Variants in INPP5A observed in about 807,000 individuals in gnomAD.
The protein encoded by INPP5A is inositol polyphosphate-5-phosphatase A.
Under a neutral mutation model 65.2 loss-of-function variants are expected in INPP5A, and 14 were observed. The observed-to-expected ratio is 0.21, with a 90% confidence interval of 0.14 to 0.34. INPP5A has a LOEUF of 0.34. Among genes scored for constraint, INPP5A ranks in the 10% least tolerant of loss-of-function variants. The pLI is 1.00. For synonymous variants in INPP5A, 207 were observed against 208.3 expected (o/e 0.99, Z 0.05); for missense variants, 431 against 545.6 (o/e 0.79, Z 2.09).
At chr10:132,580,487 CCT>C (rs1047378460) in intron 1 of INPP5A, among the ~76,000 whole-genome samples, 8 of 152,208 alleles carry the variant, frequency 5.3e-5, no homozygotes, top group African/African-American at 1.9e-4. Context: ...GTCAGTGCAA[CCT>C]CTATTCTCCA....
At chr10:132,758,446 G>T (rs1221914789) in intron 11 of INPP5A, among the ~76,000 whole-genome samples, 1 of 150,652 alleles carries the variant, frequency 6.6e-6, no homozygotes, top group Non-Finnish European at 1.5e-5. Flanking sequence ...TGACCCCACA[G>T]GCCAGTGCGA....
intron 11 of INPP5A, among the ~76,000 whole-genome samples, chr10:132,756,732 A>C (rs975310381): frequency 1.3e-5 from 2 of 152,370 alleles, no homozygotes; most frequent in East Asian, 3.9e-4. Flanking sequence ...ACTTAATAAA[A>C]AAAGGTACCT....
At chr10:132,780,003 T>C (rs1484889015) in intron 13 of INPP5A, among the ~76,000 whole-genome samples, 1 of 152,286 alleles carries the variant, frequency 6.6e-6, no homozygotes, top group East Asian at 1.9e-4. Context: ...GTTTGATGAA[T>C]GTTTCTCCAC....
intron 1 of INPP5A, among the ~76,000 whole-genome samples, chr10:132,566,354 G>A (rs1285123329): frequency 6.6e-6 from 1 of 152,164 alleles, no homozygotes; most frequent in Non-Finnish European, 1.5e-5. Context: ...TCCGGCCCCA[G>A]TTCCCTTTCA....
intron 11 of INPP5A, among the ~76,000 whole-genome samples, chr10:132,764,454 G>A (rs992377970): frequency 1.3e-5 from 2 of 148,590 alleles, no homozygotes; most frequent in African/African-American, 5.1e-5. Flanking sequence ...GGTGTGCGTG[G>A]TGACACTCAG....
rs2072028427 is a variant in INPP5A, at chr10:132,616,056, G to A, written c.117+8100G>A. On this transcript the variant is annotated intron_variant, in intron 2 of 15. Coordinates refer to ENST00000368594, the MANE Select transcript of INPP5A (RefSeq NM_005539.5). The surrounding 1 kb of genome is among the most constrained non-coding windows in gnomAD (Gnocchi z 4.9). ...CCGGTTCCGGGTCCTGTGGGGAGCG[G>A]TGAGGGATGGTCGTGTGCGTCGTTT... Among the ~76,000 whole-genome samples the A allele has an allele frequency of 6.6e-6, 1 of 152,220 alleles. No individual in the cohort carries two copies. Among genetic ancestry groups the A allele is most frequent in the Non-Finnish European group, 1.5e-5 (1 of 68,026 alleles).
rs867412795 is a variant in INPP5A, at chr10:132,555,436, G to C, written c.75+17265G>C. Reference sequence around the variant, plus strand: ...GTTGCCTGGCCGGAAGGGGAAGAAGGGGGGCTTGGGCTGGGGCGTGGCCAC... The same window carrying C: ...GTTGCCTGGCCGGAAGGGGAAGAAGCGGGGCTTGGGCTGGGGCGTGGCCAC... On this transcript the variant is annotated intron_variant, in intron 1 of 15. Transcript: ENST00000368594. This position sits in a 1 kb window ranked among gnomAD's most constrained non-coding sequence, Gnocchi z 4.4. Among the ~76,000 whole-genome samples, 2 of 152,098 alleles carry C rather than the reference G, an allele frequency of 1.3e-5. No individual in the cohort carries two copies. Among genetic ancestry groups the C allele is most frequent in the South Asian group, 2.1e-4 (1 of 4,824 alleles).
At position 132,690,403 on chromosome 10, in the gene INPP5A, C is replaced by T; in HGVS notation, c.318C>T (p.Ser106=). The change falls in exon 5 of 16, where the codon AGC becomes AGT. Residue 106 remains serine, a synonymous_variant. Transcript: ENST00000368594. ...KSQEHFTALG[S]FYFLHESLKN... is the part of the protein sequence containing the mutation. The stretch of plus-strand genomic sequence containing the variant: ...TTTTTGCTCTACAGGCACTAGGAAG[C>T]TTTTATTTTCTTCATGAGTCCTTAA... 1.2e-6 allele frequency: 2 copies of T among 1,608,678 alleles called. No individual in the cohort carries two copies. The highest frequency in any genetic ancestry group is 2.2e-5 in the South Asian group (2 of 90,962).
rs1036864771 is a variant in INPP5A, at chr10:132,550,790, C to T, written c.75+12619C>T. On this transcript the variant is annotated intron_variant, in intron 1 of 15. Transcript: ENST00000368594. This position sits in a 1 kb window ranked among gnomAD's most constrained non-coding sequence, Gnocchi z 4.2. ...GAGTGTGAGGGGCCATGGTCGCTGA[C>T]CTCGCCTCCTGTTGTCTTAGATCCT... 6.6e-6 allele frequency among the ~76,000 whole-genome samples: 1 copy of T among 152,234 alleles called. No homozygotes were observed. The highest frequency in any genetic ancestry group is 2.4e-5 in the African/African-American group (1 of 41,460).
intron 9 of INPP5A, among the ~76,000 whole-genome samples, chr10:132,746,403 C>T (rs568100131): frequency 6.6e-5 from 10 of 152,324 alleles, no homozygotes; most frequent in East Asian, 1.9e-4. Flanking sequence ...CAGCTCCCAA[C>T]GTGAGACCAA....
At position 132,616,019 on chromosome 10, in the gene INPP5A, C is replaced by T. The variant is rs751320757; in HGVS notation, c.117+8063C>T. On this transcript the variant is annotated intron_variant, in intron 2 of 15. Transcript: ENST00000368594. This position sits in a 1 kb window ranked among gnomAD's most constrained non-coding sequence, Gnocchi z 4.9. ...CCCTCTTAGTGGTGATGGGCTTCAC[C>T]CTCTGTAGCTGCCGGTTCCGGGTCC... 1.3e-5 allele frequency among the ~76,000 whole-genome samples: 2 copies of T among 152,170 alleles called. No homozygotes were observed. Among genetic ancestry groups the T allele is most frequent in the Non-Finnish European group, 2.9e-5 (2 of 68,012 alleles).
chr10:132,759,832 G>A (rs1288328690), intron 11 of INPP5A, among the ~76,000 whole-genome samples: 1 of 152,168 alleles, frequency 6.6e-6, no homozygotes, highest in Non-Finnish European at 1.5e-5. Flanking sequence ...CCCCGGCCCT[G>A]TTCAGAGTCC....
chr10:132,583,140 G>A lies in INPP5A; in HGVS notation c.76-24775G>A, dbSNP rs141405534. On this transcript the variant is annotated intron_variant, in intron 1 of 15. Coordinates refer to ENST00000368594, the MANE Select transcript of INPP5A (RefSeq NM_005539.5). ...TTGTGATTTTCAGTGTAGTGGTTTTGTGTCTTTTGTAAATGAATTGTTACG... is the reference window on the plus strand; with the variant it reads ...TTGTGATTTTCAGTGTAGTGGTTTTATGTCTTTTGTAAATGAATTGTTACG... Among the ~76,000 whole-genome samples the A allele has an allele frequency of 5.3e-5, 8 of 152,272 alleles. No homozygotes were observed. The East Asian group carries it at 1.3e-3, about 26-fold the overall frequency.
chr10:132,597,150 T>G (rs2071713413), intron 1 of INPP5A, among the ~76,000 whole-genome samples: 1 of 151,440 alleles, frequency 6.6e-6, no homozygotes, highest in African/African-American at 2.4e-5. Flanking sequence ...TGCATGCATG[T>G]GTGTGAGTGT....
At position 132,734,678 on chromosome 10, in the gene INPP5A, C is replaced by T. The variant is rs547277671; in HGVS notation, c.732+7773C>T. On this transcript the variant is annotated intron_variant, in intron 9 of 15. Transcript: ENST00000368594. ...CTGCCCTCAAGACCATGGCCTTGGGCACCAGGAGTGCCCGGGGCAGTGGGT... is the reference window on the plus strand; with the variant it reads ...CTGCCCTCAAGACCATGGCCTTGGGTACCAGGAGTGCCCGGGGCAGTGGGT... Among the ~76,000 whole-genome samples, 8 of 152,348 alleles carry T rather than the reference C, an allele frequency of 5.3e-5. No individual in the cohort carries two copies. In the South Asian group the frequency reaches 1.7e-3, roughly 32 times the overall value.
chr10:132,710,305 T>G, intron 7 of INPP5A, 32 bp from the exon 8 acceptor site: 1 of 1,609,674 alleles, frequency 6.2e-7, no homozygotes, highest in Non-Finnish European at 8.5e-7. Context: ...CTCCGGCCCT[T>G]GGTGACGTGT....
chr10:132,662,802 C>G (rs2072753769), intron 4 of INPP5A, among the ~76,000 whole-genome samples: 1 of 152,176 alleles, frequency 6.6e-6, no homozygotes, highest in Non-Finnish European at 1.5e-5. Flanking sequence ...CAAACACAAT[C>G]CAGAGCCAAG....
rs2071558465 is a variant in INPP5A, at chr10:132,587,427, G to T, written c.76-20488G>T. 6.6e-6 allele frequency among the ~76,000 whole-genome samples: 1 copy of T among 152,206 alleles called. No individual in the cohort carries two copies. Among genetic ancestry groups the T allele is most frequent in the African/African-American group, 2.4e-5 (1 of 41,444 alleles). ...CTCTGTGGGGCTGGCAGGGATCCTG[G>T]CATGGCCTGTGTGATTCGAGGTCAG... On this transcript the variant is annotated intron_variant, in intron 1 of 15. Transcript: ENST00000368594. The surrounding 1 kb of genome is among the most constrained non-coding windows in gnomAD (Gnocchi z 4.3).
At chr10:132,758,040 T>C (rs113493896) in intron 11 of INPP5A, among the ~76,000 whole-genome samples, 1,697 of 127,426 alleles carry the variant, frequency 0.013, 39 homozygotes, top group African/African-American at 0.047. Context: ...TGTGGGTCCC[T>C]GGCTGACCCC....
Sources: allele counts gnomAD v4.1 joint callset (sites outside exome capture counted in the v4.1 genomes callset), GRCh38; gene constraint gnomAD v4.1.1; non-coding constraint Gnocchi (gnomAD v3.1); transcripts MANE v1.5; gene names NCBI Gene and HGNC (gene_info 2026-07-23, HGNC 2026-07-21).